DNMT3B: variants seen among roughly 807,000 people sequenced by gnomAD.
The protein encoded by DNMT3B is DNA (cytosine-5)-methyltransferase 3B.
In DNMT3B, 37 loss-of-function variants were observed where a neutral mutation model predicts 120.2. That is an observed-to-expected ratio of 0.31 (90% CI 0.24 to 0.40). DNMT3B has a LOEUF of 0.40. Among genes scored for constraint, DNMT3B ranks in the 10% least tolerant of loss-of-function variants. DNMT3B has a pLI of 1.00. For synonymous variants in DNMT3B, 412 were observed against 442.8 expected (o/e 0.93, Z 0.87); for missense variants, 878 against 1,137.3 (o/e 0.77, Z 3.28).
intron 20 of DNMT3B, among the ~76,000 whole-genome samples, chr20:32,803,699 G>A (rs1011370334): frequency 1.2e-4 from 18 of 152,154 alleles, no homozygotes; most frequent in African/African-American, 4.3e-4. Flanking sequence ...GTGAAGGGAT[G>A]GACCCATGCA....
intron 1 of DNMT3B, among the ~76,000 whole-genome samples, chr20:32,763,662 G>T (rs1416145543): frequency 2.0e-5 from 3 of 152,342 alleles, no homozygotes; most frequent in East Asian, 1.9e-4. Context: ...CTAACAAGTT[G>T]TAAGACTGCG....
At chr20:32,800,604 A>G (rs895946813) in intron 17 of DNMT3B, among the ~76,000 whole-genome samples, 5 of 152,084 alleles carry the variant, frequency 3.3e-5, no homozygotes, top group African/African-American at 7.2e-5. Context: ...GATTACAGGC[A>G]CCTGCCACCA....
At chr20:32,787,500 C>G in intron 6 of DNMT3B, 49 bp downstream of exon 6, 1 of 1,580,356 alleles carries the variant, frequency 6.3e-7, no homozygotes. Flanking sequence ...ACCCTGAACA[C>G]GGGGAAAAAC....
chr20:32,791,713 C>T lies in DNMT3B; in HGVS notation c.921+5C>T, dbSNP rs774043887. On this transcript the variant is annotated splice_donor_5th_base_variant and intron_variant, in intron 8 of 22. Coordinates refer to ENST00000328111, the MANE Select transcript of DNMT3B (RefSeq NM_006892.4). ...GCCATGTACCATGCTCTGGAGGTAA[C>T]ATGGGATGAGGGAATGAGGGCTAAG... is the stretch of plus-strand genomic sequence containing the variant. The T allele has an allele frequency of 6.2e-7, 1 of 1,613,606 alleles. No individual in the cohort carries two copies. Among genetic ancestry groups the T allele is most frequent in the Non-Finnish European group, 8.5e-7 (1 of 1,179,724 alleles).
chr20:32,775,088 C>G (rs1988001194), intron 1 of DNMT3B, among the ~76,000 whole-genome samples: 1 of 152,212 alleles, frequency 6.6e-6, no homozygotes, highest in East Asian at 1.9e-4. Context: ...GAACTCCTGA[C>G]CTCGGGTGGT....
At chr20:32,789,119 T>C in intron 7 of DNMT3B, 107 bp downstream of exon 7, 1 of 1,509,230 alleles carries the variant, frequency 6.6e-7, no homozygotes, top group South Asian at 1.2e-5. Context: ...TGTGAGCCTA[T>C]GCCTTCACAC....
At chr20:32,765,422 CTTTCTT>C in intron 1 of DNMT3B, among the ~76,000 whole-genome samples, 1 of 121,318 alleles carries the variant, frequency 8.2e-6, no homozygotes, top group African/African-American at 3.5e-5. Flanking sequence ...CTCTTTTTTT[CTTTCTT>C]TTTTTTTTTT....
intron 2 of DNMT3B, among the ~76,000 whole-genome samples, chr20:32,781,002 G>A (rs1002583243): frequency 1.3e-5 from 2 of 152,218 alleles, no homozygotes; most frequent in African/African-American, 4.8e-5. Context: ...CACTCTACAT[G>A]GGAGCACTTG....
At position 32,801,330 on chromosome 20, in the gene DNMT3B, C is replaced by T; in HGVS notation, c.2049C>T (p.Arg683=). ...FEFYHLLNYS[R]PKEGDDRPFF... ...TTTACCACCTGCTGAATTACTCACG[C>T]CCCAAGGAGGGTGATGACCGGCCGT... Residue 683 remains arginine, a synonymous_variant, in exon 19 of 23, where the codon CGC becomes CGT. Transcript: ENST00000328111. The T allele has an allele frequency of 1.2e-6, 2 of 1,614,148 alleles. No individual in the cohort carries two copies. The highest frequency in any genetic ancestry group is 1.7e-6 in the Non-Finnish European group (2 of 1,180,038).
chr20:32,795,878 CCCCT>C (rs1980564857), intron 12 of DNMT3B, among the ~76,000 whole-genome samples, 184 bp downstream of exon 12: 1 of 152,160 alleles, frequency 6.6e-6, no homozygotes. Flanking sequence ...GCCAATTGTG[CCCCT>C]TAAGAGAAAG....
At chr20:32,789,882 A>T (rs1402791187) in intron 7 of DNMT3B, among the ~76,000 whole-genome samples, 1 of 152,168 alleles carries the variant, frequency 6.6e-6, no homozygotes, top group Non-Finnish European at 1.5e-5. Flanking sequence ...GGGAGCCACC[A>T]CGCCTGGCCT....
rs375959801 is a variant in DNMT3B, at chr20:32,805,417, G to A, written c.2301+10G>A. ...CAATAGGATAGCCAAGGTAAGACGA[G>A]CTGTGGCCCTCTGGAAAAATGCACT... On this transcript the variant is annotated intron_variant, in intron 21 of 22. Coordinates refer to ENST00000328111, the MANE Select transcript of DNMT3B (RefSeq NM_006892.4). The A allele has an allele frequency of 6.2e-7, 1 of 1,613,870 alleles. No individual in the cohort carries two copies. Among genetic ancestry groups the A allele is most frequent in the Non-Finnish European group, 8.5e-7 (1 of 1,179,990 alleles).
At chr20:32,778,710 C>A (rs564663153) in intron 1 of DNMT3B, among the ~76,000 whole-genome samples, 72 of 152,342 alleles carry the variant, frequency 4.7e-4, no homozygotes, top group African/African-American at 1.6e-3. Context: ...CTAGAAGGTA[C>A]CCTGGTTTGA....
intron 7 of DNMT3B, among the ~76,000 whole-genome samples, chr20:32,790,536 C>CA (rs1979858459): frequency 8.0e-6 from 1 of 124,810 alleles, no homozygotes; most frequent in African/African-American, 2.7e-5. Flanking sequence ...CGGTTTCCCC[C>CA]CACCAGAGCC....
At chr20:32,799,665 T>A (rs928097601) in intron 16 of DNMT3B, among the ~76,000 whole-genome samples, 1 of 152,074 alleles carries the variant, frequency 6.6e-6, no homozygotes, top group African/African-American at 2.4e-5. Context: ...TTACAGGTGC[T>A]CACCACCACG....
Position 32,805,720 on chromosome 20 carries a change from T to C in DNMT3B, c.2301+313T>C, listed in dbSNP as rs77045538. 1.1e-3 allele frequency among the ~76,000 whole-genome samples: 161 copies of C among 152,334 alleles called. 1 individual carries two copies. Among genetic ancestry groups the C allele is most frequent in the African/African-American group, 3.8e-3 (157 of 41,572 alleles). ...ATTAATCCTTTTGCCAAAAAATTAA[T>C]TTGCTGTCAAGTCATAGAATATGAA... is the stretch of plus-strand genomic sequence containing the variant. On this transcript the variant is annotated intron_variant, in intron 21 of 22. Transcript: ENST00000328111.
chr20:32,796,121 G>A (rs923050210), intron 12 of DNMT3B, among the ~76,000 whole-genome samples: 7 of 152,206 alleles, frequency 4.6e-5, no homozygotes, highest in Non-Finnish European at 2.9e-5. Context: ...AATACAGAAT[G>A]TGTGAGGATG....
chr20:32,801,192 T>C (rs1044402641), intron 18 of DNMT3B, 86 bp from the exon 19 acceptor site: 17 of 1,598,300 alleles, frequency 1.1e-5, no homozygotes, highest in African/African-American at 6.7e-5. Context: ...CAGGAGGCCA[T>C]TGGGAACCTG....
At chr20:32,769,254 A>AT (rs1429245741) in intron 1 of DNMT3B, among the ~76,000 whole-genome samples, 4 of 152,078 alleles carry the variant, frequency 2.6e-5, no homozygotes, top group Admixed American at 6.6e-5. Context: ...TGCCCGGCTA[A>AT]TTTTTTGTAT....
Sources: gnomAD v4.1 joint callset for allele counts (sites outside exome capture counted in the v4.1 genomes callset) on GRCh38, gnomAD v4.1.1 for gene constraint, MANE v1.5 for transcripts, NCBI Gene and HGNC (gene_info 2026-07-23, HGNC 2026-07-21) for gene names.